The following LDLRAD3 variants were observed in gnomAD, a reference collection of about 807,000 sequenced individuals.
LDLRAD3 encodes low density lipoprotein receptor class A domain containing 3, also known as low-density lipoprotein receptor class A domain-containing protein 3.
In LDLRAD3, 20 loss-of-function variants were observed where a neutral mutation model predicts 29.4. The observed-to-expected ratio is 0.68, with a 90% CI of 0.48 to 0.99. The LOEUF (loss-of-function observed/expected upper bound fraction) is 0.99, where lower values mean the gene tolerates loss of function less well. Ranked by LOEUF, LDLRAD3 falls within the 50% of genes least tolerant of loss-of-function variation. The pLI is 0.00. For synonymous variants in LDLRAD3, 157 were observed against 192.7 expected (o/e 0.81, Z 1.53); for missense variants, 420 against 454.3 (o/e 0.92, Z 0.69).
chr11:36,138,221 T>C (rs1854030383), intron 4 of LDLRAD3, among the ~76,000 whole-genome samples: 1 of 152,208 alleles, frequency 6.6e-6, no homozygotes, highest in South Asian at 2.1e-4. Flanking sequence ...TTCTTAACTT[T>C]GTGACCATAA....
chr11:36,031,481 GA>G (rs750261033), intron 1 of LDLRAD3, among the ~76,000 whole-genome samples: 2 of 152,196 alleles, frequency 1.3e-5, no homozygotes, highest in Non-Finnish European at 1.5e-5. Flanking sequence ...GAGTATGGGG[GA>G]AAGGGAGGAA....
At chr11:36,020,203 A>G (rs1016215) in intron 1 of LDLRAD3, among the ~76,000 whole-genome samples, 52,953 of 152,038 alleles carry the variant, frequency 0.35, 9,210 homozygotes, top group East Asian at 0.39. Context: ...ATCTGGAGGT[A>G]AAGGTTGCCT....
At chr11:36,130,885 A>G (rs1853915971) in intron 4 of LDLRAD3, among the ~76,000 whole-genome samples, 1 of 152,152 alleles carries the variant, frequency 6.6e-6, no homozygotes, top group South Asian at 2.1e-4. Flanking sequence ...GTCCAAGTCC[A>G]GTGCGCACTA....
chr11:35,992,245 C>T (rs775694230), intron 1 of LDLRAD3, among the ~76,000 whole-genome samples: 38 of 152,112 alleles, frequency 2.5e-4, no homozygotes, highest in Non-Finnish European at 4.0e-4. Context: ...GTCTTTATTT[C>T]GTTTTCCAAA....
intron 1 of LDLRAD3, among the ~76,000 whole-genome samples, chr11:35,956,149 T>A (rs2133130005): frequency 6.6e-6 from 1 of 152,200 alleles, no homozygotes; most frequent in East Asian, 1.9e-4. Context: ...GAGGAGAAGG[T>A]GTATTTTTGT....
chr11:36,114,100 A>G (rs542742996), intron 4 of LDLRAD3, among the ~76,000 whole-genome samples: 2 of 152,188 alleles, frequency 1.3e-5, no homozygotes, highest in Non-Finnish European at 2.9e-5. Context: ...ACTCTTTTGG[A>G]CTGAGCCGAT....
At position 36,026,648 on chromosome 11, in the gene LDLRAD3, C is replaced by T. The variant is rs532978768; in HGVS notation, c.47-9455C>T. ...GAAGCCAGCTAAAACCCACCAAAAGCGAGATGGCGAGGAACATGACCTCTG... is the reference window on the plus strand; with the variant it reads ...GAAGCCAGCTAAAACCCACCAAAAGTGAGATGGCGAGGAACATGACCTCTG... On this transcript the variant is annotated intron_variant, in intron 1 of 5. Coordinates refer to ENST00000315571, the MANE Select transcript of LDLRAD3 (RefSeq NM_174902.4). Among the ~76,000 whole-genome samples, 11 of 152,320 alleles carry T rather than the reference C, an allele frequency of 7.2e-5. No individual in the cohort carries two copies. The East Asian group carries it at 1.4e-3, about 19-fold the overall frequency.
chr11:36,044,770 G>A (rs1015198668), intron 2 of LDLRAD3, among the ~76,000 whole-genome samples: 1 of 152,226 alleles, frequency 6.6e-6, no homozygotes, highest in African/African-American at 2.4e-5. Flanking sequence ...AGGTTGCAGG[G>A]AAGGAAGCTT....
chr11:36,176,623 A>C (rs1169607049), intron 4 of LDLRAD3, among the ~76,000 whole-genome samples: 1 of 152,082 alleles, frequency 6.6e-6, no homozygotes, highest in Non-Finnish European at 1.5e-5. Flanking sequence ...GTTTTGTTTA[A>C]TCAGGCTAAA....
chr11:36,061,405 C>T lies in LDLRAD3; in HGVS notation c.194-20248C>T, dbSNP rs572683864. On this transcript the variant is annotated intron_variant, in intron 2 of 5. Transcript: ENST00000315571. ...ATCTGCCTGCCTTGGCCTCCCAAAG[C>T]GCTGGGATTACAGGTGTGAGCCACT... 2.2e-4 allele frequency among the ~76,000 whole-genome samples: 34 copies of T among 152,162 alleles called. No individual in the cohort carries two copies. In the South Asian group the frequency reaches 6.2e-3, roughly 28 times the overall value.
intron 2 of LDLRAD3, among the ~76,000 whole-genome samples, chr11:36,062,951 C>T (rs913419695): frequency 1.3e-5 from 2 of 152,072 alleles, no homozygotes; most frequent in Non-Finnish European, 2.9e-5. Flanking sequence ...AGAAATGTAA[C>T]AATGTGTAAG....
intron 4 of LDLRAD3, among the ~76,000 whole-genome samples, chr11:36,166,060 G>C (rs2133342814): frequency 6.6e-6 from 1 of 150,672 alleles, no homozygotes; most frequent in South Asian, 2.1e-4. Context: ...TTAGGTGAAG[G>C]GCTGACAGAG....
In LDLRAD3 at chr11:36,132,851, G is replaced by A. The variant is rs561215304; in HGVS notation, c.454+34390G>A. Among the ~76,000 whole-genome samples, 72 of 152,318 alleles carry A rather than the reference G, an allele frequency of 4.7e-4. No individual in the cohort carries two copies. In the South Asian group the frequency reaches 7.3e-3, roughly 15 times the overall value. On this transcript the variant is annotated intron_variant, in intron 4 of 5. Transcript: ENST00000315571. The stretch of plus-strand genomic sequence containing the variant: ...GTGTATACAGAGGGAAGAGCACCAC[G>A]TTAGTCAGCAGGTTTGAGTTTGGTC...
At chr11:36,102,210 A>G (rs1020131261) in intron 4 of LDLRAD3, among the ~76,000 whole-genome samples, 3 of 152,024 alleles carry the variant, frequency 2.0e-5, no homozygotes, top group Non-Finnish European at 4.4e-5. Flanking sequence ...TCTTAACAAT[A>G]CTTTTTGATG....
intron 1 of LDLRAD3, among the ~76,000 whole-genome samples, chr11:35,977,600 G>A (rs528153126): frequency 6.6e-6 from 1 of 152,128 alleles, no homozygotes; most frequent in African/African-American, 2.4e-5. Flanking sequence ...TACAGGTAGG[G>A]AGAGGCCCAA....
At chr11:36,153,663 C>G (rs1854306952) in intron 4 of LDLRAD3, among the ~76,000 whole-genome samples, 1 of 151,990 alleles carries the variant, frequency 6.6e-6, no homozygotes, top group African/African-American at 2.4e-5. Context: ...TTTTGCAATC[C>G]CAGTGACCCA....
At chr11:36,219,645 A>G (rs952253978) in intron 4 of LDLRAD3, among the ~76,000 whole-genome samples, 1 of 152,210 alleles carries the variant, frequency 6.6e-6, no homozygotes, top group Non-Finnish European at 1.5e-5. Context: ...ACCATAAACA[A>G]AAATTAATTT....
rs902190592 is a variant in LDLRAD3 at position 36,144,647 on chromosome 11, G to A, written c.454+46186G>A. 4.1e-5 allele frequency among the ~76,000 whole-genome samples: 3 copies of A among 72,926 alleles called. 1 individual carries two copies. Among genetic ancestry groups the A allele is most frequent in the Non-Finnish European group, 8.2e-5 (3 of 36,484 alleles). 47.8% of individuals were successfully genotyped at this position (72,926 alleles called of 152,430 possible). On this transcript the variant is annotated intron_variant, in intron 4 of 5. Transcript: ENST00000315571. ...CGTCTGAGAAGTGAGAAGCCCCTCC[G>A]CCCGGCAGCCACACCGTCTGAGAAG... is the stretch of plus-strand genomic sequence containing the variant.
At chr11:36,014,953 G>C (rs1232678646) in intron 1 of LDLRAD3, among the ~76,000 whole-genome samples, 1 of 152,230 alleles carries the variant, frequency 6.6e-6, no homozygotes, top group Non-Finnish European at 1.5e-5. Flanking sequence ...AACCCCCTAG[G>C]ATTCCTGATA....
Sources: allele counts gnomAD v4.1 joint callset (sites outside exome capture counted in the v4.1 genomes callset), GRCh38; gene constraint gnomAD v4.1.1; transcripts MANE v1.5; gene names NCBI Gene and HGNC (gene_info 2026-07-23, HGNC 2026-07-21).